Variants in KCNU1 observed in about 807,000 individuals in gnomAD.
The protein encoded by KCNU1 is potassium calcium-activated channel subfamily U member 1.
A neutral mutation model predicts 126.8 loss-of-function variants in KCNU1; 93 were observed. The ratio of observed to expected loss-of-function variants is 0.73; its 90% CI spans 0.62 to 0.87. KCNU1 has a LOEUF of 0.87. Ranked by LOEUF, KCNU1 falls within the 40% of genes least tolerant of loss-of-function variation. KCNU1 has a pLI of 0.00. For missense variants in KCNU1, 1,330 were observed against 1,367.1 expected (o/e 0.97, Z 0.43); for synonymous variants, 523 against 494.2 (o/e 1.06, Z -0.77).
At chr8:36,843,393 T>C (rs1805026110) in intron 16 of KCNU1, among the ~76,000 whole-genome samples, 1 of 152,244 alleles carries the variant, frequency 6.6e-6, no homozygotes, top group African/African-American at 2.4e-5. Context: ...CCTTCTATGA[T>C]TGATACTTTG....
rs112525931 is a variant in KCNU1 at position 36,908,834 on chromosome 8, T to C, written c.2107-477T>C. On this transcript the variant is annotated intron_variant, in intron 20 of 26. Coordinates refer to ENST00000399881, the MANE Select transcript of KCNU1 (RefSeq NM_001031836.3). ...AATTCATGTGGTTCAAACTAATGAA[T>C]GAAAACCCACTTAATACTGCAATAT... 6.4e-3 allele frequency among the ~76,000 whole-genome samples: 970 copies of C among 152,162 alleles called. 3 individuals are homozygous for C. The highest frequency in any genetic ancestry group is 0.01 in the Non-Finnish European group (682 of 68,014).
rs556017275 is a variant in KCNU1, at chr8:36,831,520, C to T, written c.1107-2034C>T. Among the ~76,000 whole-genome samples, 1,074 of 152,056 alleles carry T rather than the reference C, an allele frequency of 7.1e-3. 11 individuals are homozygous for T. Among genetic ancestry groups the T allele is most frequent in the African/African-American group, 0.025 (1,042 of 41,466 alleles). Reference sequence around the variant, plus strand: ...TTCTCTGATGGCCAGTGATGGTGAGCATTTTTTCATGTGTTTTTTGGCTGC... The same window carrying T: ...TTCTCTGATGGCCAGTGATGGTGAGTATTTTTTCATGTGTTTTTTGGCTGC... On this transcript the variant is annotated intron_variant, in intron 10 of 26. Coordinates refer to ENST00000399881, the MANE Select transcript of KCNU1 (RefSeq NM_001031836.3).
At chr8:36,806,177 A>T (rs1803495579) in intron 4 of KCNU1, 92 bp from the exon 5 acceptor site, 1 of 689,914 alleles carries the variant, frequency 1.4e-6, no homozygotes, top group African/African-American at 1.8e-5. Flanking sequence ...GCTTCAGCTG[A>T]TAAGTAAAAT....
intron 10 of KCNU1, among the ~76,000 whole-genome samples, chr8:36,827,010 G>C (rs1429900519): frequency 2.0e-5 from 3 of 152,144 alleles, no homozygotes; most frequent in Non-Finnish European, 2.9e-5. Context: ...GCTTCTGCTA[G>C]ATGTTACATA....
chr8:36,834,871 A>C lies in KCNU1; in HGVS notation c.1295+3A>C, dbSNP rs764919521. On this transcript the variant is annotated splice_donor_region_variant and intron_variant, in intron 12 of 26. Transcript: ENST00000399881. ...GAAGATATTTCCAACATTATGAGGT[A>C]AGAAGCTGTGTTTTGTATGCTATAA... 1.3e-6 allele frequency: 2 copies of C among 1,596,174 alleles called. No homozygotes were observed. Among genetic ancestry groups the C allele is most frequent in the East Asian group, 4.5e-5 (2 of 44,634 alleles).
At chr8:36,807,270 T>C in intron 5 of KCNU1, 105 bp from the exon 6 acceptor site, 1 of 812,062 alleles carries the variant, frequency 1.2e-6, no homozygotes, top group Non-Finnish European at 2.1e-6. Flanking sequence ...TTGGAACACG[T>C]CTAGAAGAAA....
At chr8:36,844,804 G>A (rs1805083889) in intron 16 of KCNU1, among the ~76,000 whole-genome samples, 1 of 152,188 alleles carries the variant, frequency 6.6e-6, no homozygotes, top group South Asian at 2.1e-4. Flanking sequence ...CAAAAAAGAA[G>A]TGAGGGGAAT....
At chr8:36,879,238 TACACACAC>T (rs1554511868) in intron 19 of KCNU1, among the ~76,000 whole-genome samples, 2 of 139,336 alleles carry the variant, frequency 1.4e-5, no homozygotes, top group African/African-American at 2.6e-5. Flanking sequence ...TATATATATA[TACACACAC>T]ATATATGAAA....
At chr8:36,890,647 C>A (rs1218584481) in intron 19 of KCNU1, among the ~76,000 whole-genome samples, 1 of 151,932 alleles carries the variant, frequency 6.6e-6, no homozygotes, top group East Asian at 1.9e-4. Context: ...ATTAATCCAA[C>A]CATATCAACA....
intron 19 of KCNU1, among the ~76,000 whole-genome samples, chr8:36,893,243 G>A (rs1807045890): frequency 6.6e-6 from 1 of 151,562 alleles, no homozygotes; most frequent in Admixed American, 6.6e-5. Flanking sequence ...CAAAGTGCTG[G>A]GATTACAGGC....
chr8:36,923,021 AG>A (rs1348501401), intron 24 of KCNU1: 1 of 460,054 alleles, frequency 2.2e-6, no homozygotes, highest in South Asian at 1.5e-5. Context: ...CCCAGTTTCA[AG>A]GAAGAAGCTC....
At chr8:36,797,788 T>C (rs1427238824) in intron 2 of KCNU1, among the ~76,000 whole-genome samples, 1 of 152,236 alleles carries the variant, frequency 6.6e-6, no homozygotes, top group Non-Finnish European at 1.5e-5. Flanking sequence ...GCTTGCAATC[T>C]GTTTTTCCTA....
chr8:36,930,439 A>C (rs1808663820), intron 24 of KCNU1, among the ~76,000 whole-genome samples: 1 of 152,166 alleles, frequency 6.6e-6, no homozygotes, highest in African/African-American at 2.4e-5. Context: ...AAATACTAAT[A>C]AGACCTATGT....
In KCNU1 at chr8:36,806,444, G is replaced by C. The variant is rs538028342; in HGVS notation, c.580+64G>C. On this transcript the variant is annotated intron_variant, in intron 5 of 26. Transcript: ENST00000399881. ...TAAAATAAAAACTCAACATTCATTT[G>C]TAAGTATCTATTTTTCATTTGTTCT... is the stretch of plus-strand genomic sequence containing the variant. The C allele has an allele frequency of 3.7e-6, 3 of 802,484 alleles. No homozygotes were observed. The South Asian group carries it at 5.2e-5, about 14-fold the overall frequency. The allele number at this position is 802,484 out of a possible 1,614,324, so 49.7% of individuals were successfully genotyped here. A position where few individuals can be genotyped will look rare whatever the true frequency, so the allele number is the denominator to read the frequency against.
At chr8:36,889,400 A>C (rs2117438582) in intron 19 of KCNU1, 1 of 359,438 alleles carries the variant, frequency 2.8e-6, no homozygotes, top group South Asian at 2.2e-5. Flanking sequence ...AAGACAAATG[A>C]GACTGATGTC....
intron 23 of KCNU1, among the ~76,000 whole-genome samples, chr8:36,921,659 GAAAAA>G (rs58109120): frequency 7.2e-5 from 7 of 97,766 alleles, no homozygotes; most frequent in African/African-American, 2.8e-4. Flanking sequence ...ATGAAGTGAG[GAAAAA>G]AAAAAAAAAA....
intron 26 of KCNU1, 124 bp from the exon 27 acceptor site, chr8:36,935,391 G>A: frequency 5.5e-6 from 4 of 724,534 alleles, no homozygotes; most frequent in Non-Finnish European, 9.4e-6. Context: ...AACCCATGAA[G>A]CAAAACAAAA....
At chr8:36,898,161 G>C (rs1807271015) in intron 19 of KCNU1, among the ~76,000 whole-genome samples, 1 of 152,104 alleles carries the variant, frequency 6.6e-6, no homozygotes, top group African/African-American at 2.4e-5. Flanking sequence ...AGGGATTTCA[G>C]AGAAACTAAG....
chr8:36,883,639 A>C (rs1585507130), intron 19 of KCNU1, among the ~76,000 whole-genome samples: 2 of 151,992 alleles, frequency 1.3e-5, no homozygotes, highest in Admixed American at 1.3e-4. Context: ...AAAACCACAA[A>C]AATTAGCCAG....
Sources: allele counts gnomAD v4.1 joint callset (sites outside exome capture counted in the v4.1 genomes callset), GRCh38; gene constraint gnomAD v4.1.1; transcripts MANE v1.5; gene names NCBI Gene and HGNC (gene_info 2026-07-23, HGNC 2026-07-21).